DRC4: variants seen among roughly 807,000 people sequenced by gnomAD.
The protein encoded by DRC4 is dynein regulatory complex subunit 4.
the DRC4 span, among the ~76,000 whole-genome samples, chr16:90,034,847 C>G: frequency 2.1e-4 from 31 of 150,672 alleles, 1 homozygote; most frequent in African/African-American, 6.8e-4. Flanking sequence ...CCTTAGCCTC[C>G]CAAGTAGCTG....
At chr16:90,042,698 C>T in the DRC4 span, among the ~76,000 whole-genome samples, 1 of 152,190 alleles carries the variant, frequency 6.6e-6, no homozygotes, top group Non-Finnish European at 1.5e-5. Context: ...CCGAGAGCAT[C>T]TGGATTCTGT....
At chr16:90,022,594 C>G in the DRC4 span, 10 of 1,103,960 alleles carry the variant, frequency 9.1e-6, no homozygotes, top group Non-Finnish European at 1.2e-5. Flanking sequence ...AGGGCCGCTG[C>G]CCGGCGGAGT....
chr16:90,036,723 C>A, the DRC4 span: 30 of 782,456 alleles, frequency 3.8e-5, no homozygotes, highest in African/African-American at 4.1e-4. Context: ...GACAATGCCC[C>A]TCTCATATCC....
At chr16:90,042,639 C>T in the DRC4 span, 14 of 918,438 alleles carry the variant, frequency 1.5e-5, no homozygotes, top group African/African-American at 3.3e-5. Flanking sequence ...CTTCGTACCT[C>T]GTTTGACAAG....
the DRC4 span, chr16:90,044,478 C>T: frequency 1.3e-5 from 6 of 470,660 alleles, no homozygotes; most frequent in Non-Finnish European, 2.2e-5. Flanking sequence ...GCCTCAGCCC[C>T]CTCCAGCCCA....
chr16:90,022,709 G>C, the DRC4 span: 5 of 1,420,670 alleles, frequency 3.5e-6, no homozygotes, highest in South Asian at 6.9e-5. Flanking sequence ...CGCTGGGCCT[G>C]TCCGCTGGCG....
At chr16:90,025,163 C>G in the DRC4 span, among the ~76,000 whole-genome samples, 1 of 150,876 alleles carries the variant, frequency 6.6e-6, no homozygotes, top group Non-Finnish European at 1.5e-5. Context: ...ACTACAGGTG[C>G]CCGCCACCAC....
chr16:90,024,562 A>G, the DRC4 span, among the ~76,000 whole-genome samples: 1 of 152,192 alleles, frequency 6.6e-6, no homozygotes, highest in Non-Finnish European at 1.5e-5. Flanking sequence ...CAGCTACAGA[A>G]TCAGGGTCTT....
At chr16:90,029,315 C>T in the DRC4 span, 2 of 1,364,976 alleles carry the variant, frequency 1.5e-6, no homozygotes, top group East Asian at 4.6e-5. Context: ...CCTGGAGACT[C>T]CTGCCCCGCA....
At chr16:90,023,019 T>G in the DRC4 span, among the ~76,000 whole-genome samples, 1 of 151,560 alleles carries the variant, frequency 6.6e-6, no homozygotes, top group African/African-American at 2.4e-5. Context: ...CCCAGAAGAG[T>G]GAACATGCGT....
chr16:90,022,093 G>A, the DRC4 span: 5 of 152,242 alleles, frequency 3.3e-5, no homozygotes, highest in African/African-American at 7.2e-5. Context: ...GAGGAGTGGG[G>A]AGGAGGCCTC....
the DRC4 span, among the ~76,000 whole-genome samples, chr16:90,039,128 C>T: frequency 2.0e-5 from 3 of 152,190 alleles, no homozygotes; most frequent in South Asian, 4.1e-4. Context: ...GCAAGGTAGT[C>T]AGTGAGATCC....
chr16:90,039,114 A>G, the DRC4 span, among the ~76,000 whole-genome samples: 1 of 152,234 alleles, frequency 6.6e-6, no homozygotes, highest in East Asian at 1.9e-4. Flanking sequence ...AGGGAAGGGC[A>G]CCTGCAAGGT....
At chr16:90,027,315 C>G in the DRC4 span, among the ~76,000 whole-genome samples, 1 of 151,730 alleles carries the variant, frequency 6.6e-6, no homozygotes, top group Non-Finnish European at 1.5e-5. Flanking sequence ...GTCTTGATCT[C>G]CTGACCTCGT....
chr16:90,036,950 G>A, the DRC4 span: 1 of 556,908 alleles, frequency 1.8e-6, no homozygotes, highest in South Asian at 2.0e-5. Context: ...GTCACTGCAT[G>A]CTGGCAGTGA....
chr16:90,024,878 C>G, the DRC4 span, among the ~76,000 whole-genome samples: 1 of 152,118 alleles, frequency 6.6e-6, no homozygotes, highest in Non-Finnish European at 1.5e-5. Flanking sequence ...TAAACACAAC[C>G]AAACTACTTC....
At chr16:90,041,440 C>T in the DRC4 span, among the ~76,000 whole-genome samples, 18 of 152,326 alleles carry the variant, frequency 1.2e-4, no homozygotes, top group East Asian at 3.3e-3. Context: ...GTCCCTGCCT[C>T]GCCACGTGGT....
the DRC4 span, chr16:90,035,729 C>T: frequency 5.0e-6 from 8 of 1,613,928 alleles, no homozygotes; most frequent in African/African-American, 8.0e-5. Flanking sequence ...CCAGAGACAC[C>T]CCCGCCCCAT....
At chr16:90,024,123 T>TAC in the DRC4 span, among the ~76,000 whole-genome samples, 3,732 of 139,422 alleles carry the variant, frequency 0.027, 83 homozygotes, top group Admixed American at 0.036. Flanking sequence ...TTACTAAAAA[T>TAC]ACACACACAC....
Sources: gnomAD v4.1 joint callset for allele counts (sites outside exome capture counted in the v4.1 genomes callset) on GRCh38, gnomAD v4.1.1 for gene constraint, MANE v1.5 for transcripts, NCBI Gene and HGNC (gene_info 2026-07-23, HGNC 2026-07-21) for gene names.